MED27: variants seen among roughly 807,000 people sequenced by gnomAD.
MED27 encodes the protein mediator complex subunit 27, also known as mediator of RNA polymerase II transcription subunit 27.
In MED27, 30 loss-of-function variants were observed where a neutral mutation model predicts 38.2. That is an observed-to-expected ratio of 0.79 (90% CI 0.59 to 1.07). MED27 has a LOEUF of 1.07. Ranked by LOEUF, MED27 falls within the 50% of genes least tolerant of loss-of-function variation. The pLI, the probability that MED27 is intolerant of heterozygous loss-of-function variation, is 0.00. For synonymous variants in MED27, 122 were observed against 153.5 expected, an observed-to-expected ratio of 0.79 and a Z score of 1.52; for missense variants, 289 against 397.5, an observed-to-expected ratio of 0.73 and a Z score of 2.32.
chr9:131,999,803 C>T (rs1026311748), intron 3 of MED27, among the ~76,000 whole-genome samples: 2 of 152,142 alleles, frequency 1.3e-5, no homozygotes, highest in African/African-American at 4.8e-5. Context: ...ACAGCTATCA[C>T]ATCTGTACAG....
intron 3 of MED27, among the ~76,000 whole-genome samples, chr9:131,955,227 G>T (rs1274060875): frequency 1.3e-5 from 2 of 152,012 alleles, no homozygotes; most frequent in African/African-American, 4.8e-5. Flanking sequence ...AATACCTTGG[G>T]CTGAATGATA....
chr9:132,018,039 G>A (rs1291755413), intron 2 of MED27, among the ~76,000 whole-genome samples: 2 of 152,166 alleles, frequency 1.3e-5, no homozygotes, highest in Non-Finnish European at 1.5e-5. Context: ...AGCCTCTTTG[G>A]AAATGTGCTC....
intron 2 of MED27, among the ~76,000 whole-genome samples, chr9:132,044,768 A>C (rs543870173): frequency 6.6e-6 from 1 of 152,054 alleles, no homozygotes. Context: ...AGACACTCTA[A>C]TTTTTTTTCC....
At chr9:132,016,541 C>G (rs1832606411) in intron 2 of MED27, among the ~76,000 whole-genome samples, 1 of 152,152 alleles carries the variant, frequency 6.6e-6, no homozygotes, top group Admixed American at 6.5e-5. Context: ...AGGGACAGTA[C>G]AAGTTTGAAA....
intron 3 of MED27, among the ~76,000 whole-genome samples, chr9:131,986,999 ATTTTTTTTTTTTTTT>A (rs66519112): frequency 0.015 from 708 of 46,308 alleles, 29 homozygotes; most frequent in African/African-American, 0.056. Flanking sequence ...GAGTTCATGG[ATTTTTTTTTTTTTTT>A]TTTTTTTTTT....
chr9:131,907,018 G>A (rs1432835581), intron 4 of MED27, among the ~76,000 whole-genome samples: 3 of 152,174 alleles, frequency 2.0e-5, no homozygotes, highest in South Asian at 2.1e-4. Context: ...AAATGCTAAT[G>A]CATTATAATT....
intron 3 of MED27, among the ~76,000 whole-genome samples, chr9:131,951,001 C>A (rs1272918680): frequency 6.6e-5 from 10 of 152,208 alleles, no homozygotes; most frequent in Non-Finnish European, 7.3e-5. Context: ...CCCTTCCTCT[C>A]CCCTTTACTG....
At chr9:131,953,096 T>C (rs1478126307) in intron 3 of MED27, among the ~76,000 whole-genome samples, 2 of 152,256 alleles carry the variant, frequency 1.3e-5, no homozygotes, top group Non-Finnish European at 2.9e-5. Context: ...ACATGCGCTC[T>C]GCTTAACTGA....
chr9:131,929,880 G>A (rs1830550698), intron 4 of MED27, among the ~76,000 whole-genome samples: 1 of 152,212 alleles, frequency 6.6e-6, no homozygotes, highest in African/African-American at 2.4e-5. Flanking sequence ...TAGAGTCCTA[G>A]CACCTTGAAT....
At chr9:132,069,526 A>T (rs1416425794) in intron 2 of MED27, among the ~76,000 whole-genome samples, 1 of 152,212 alleles carries the variant, frequency 6.6e-6, no homozygotes, top group African/African-American at 2.4e-5. Context: ...GAACCTTTGC[A>T]AGGTAATTTT....
At chr9:131,874,401 T>C (rs1838891090) in intron 6 of MED27, among the ~76,000 whole-genome samples, 1 of 152,178 alleles carries the variant, frequency 6.6e-6, no homozygotes, top group Non-Finnish European at 1.5e-5. Context: ...CCATCCTCCC[T>C]GGGCCTAGCT....
At chr9:131,871,579 T>C (rs1221146539) in intron 6 of MED27, among the ~76,000 whole-genome samples, 1 of 152,126 alleles carries the variant, frequency 6.6e-6, no homozygotes, top group Non-Finnish European at 1.5e-5. Context: ...GGGGTGACCT[T>C]GTACTTGTCA....
At chr9:132,072,673 G>T (rs1035866299) in intron 2 of MED27, among the ~76,000 whole-genome samples, 2 of 151,978 alleles carry the variant, frequency 1.3e-5, no homozygotes, top group African/African-American at 4.8e-5. Flanking sequence ...GGGGTGCTAC[G>T]AAGGTTAGAT....
intron 2 of MED27, among the ~76,000 whole-genome samples, chr9:132,066,373 G>C (rs1833810236): frequency 2.0e-5 from 3 of 152,248 alleles, no homozygotes; most frequent in Admixed American, 6.5e-5. Context: ...GCATCTCGCA[G>C]AGCAGCCACA....
At chr9:131,898,961 T>C (rs1193497400) in intron 4 of MED27, among the ~76,000 whole-genome samples, 1 of 152,240 alleles carries the variant, frequency 6.6e-6, no homozygotes, top group East Asian at 1.9e-4. Context: ...GTCTCGGCTC[T>C]GCTGTTGGAA....
intron 4 of MED27, among the ~76,000 whole-genome samples, chr9:131,939,156 C>T (rs778077019): frequency 6.6e-6 from 1 of 152,152 alleles, no homozygotes; most frequent in Non-Finnish European, 1.5e-5. Flanking sequence ...CAGTGTCTTT[C>T]CTCTCTGGTT....
chr9:131,936,275 A>G (rs1056552820), intron 4 of MED27, among the ~76,000 whole-genome samples: 1 of 152,122 alleles, frequency 6.6e-6, no homozygotes, highest in African/African-American at 2.4e-5. Context: ...GCTTGGGGAG[A>G]TAGGGATAGG....
At chr9:131,879,078 A>C (rs1344887735) in intron 6 of MED27, among the ~76,000 whole-genome samples, 4 of 152,270 alleles carry the variant, frequency 2.6e-5, no homozygotes, top group Non-Finnish European at 5.9e-5. Flanking sequence ...ATCTGCAGAC[A>C]AAAGGAAGGC....
At chr9:131,879,316 T>C (rs1838994365) in intron 6 of MED27, among the ~76,000 whole-genome samples, 1 of 151,112 alleles carries the variant, frequency 6.6e-6, no homozygotes, top group African/African-American at 2.4e-5. Flanking sequence ...TGGGCACGGG[T>C]GGGGGGCGTG....
Sources: allele counts gnomAD v4.1 joint callset (sites outside exome capture counted in the v4.1 genomes callset), GRCh38; gene constraint gnomAD v4.1.1; transcripts MANE v1.5; gene names NCBI Gene and HGNC (gene_info 2026-07-23, HGNC 2026-07-21).